FRYL: variants seen among roughly 807,000 people sequenced by gnomAD.
FRYL encodes the protein protein furry homolog-like.
Under a neutral mutation model 351.2 loss-of-function variants are expected in FRYL, and 150 were observed. The ratio of observed to expected loss-of-function variants is 0.43; its 90% confidence interval spans 0.37 to 0.49. FRYL has a LOEUF of 0.49. FRYL is among the 20% of genes least tolerant of loss of function. FRYL has a pLI of 0.00. For synonymous variants in FRYL, 1,153 were observed against 1,257.1 expected (o/e 0.92, Z 1.75); for missense variants, 3,036 against 3,619.3 (o/e 0.84, Z 4.13).
rs1329654488 is a variant in FRYL, at chr4:48,668,602, AGAAGTGCTTGCCACTGG to A, written c.-81+16054_-81+16070del. Among the ~76,000 whole-genome samples, 199 of 152,366 alleles carry A rather than the reference AGAAGTGCTTGCCACTGG, an allele frequency of 1.3e-3. 1 individual carries two copies. Among genetic ancestry groups the A allele is most frequent in the African/African-American group, 4.2e-3 (176 of 41,580 alleles). On this transcript the variant is annotated intron_variant, in intron 3 of 63. Transcript: ENST00000358350. ...TTAACAAAGGTTTACTAACTGCTTA[AGAAGTGCTTGCCACTGG>A]GCTAAGCTCTGGGGTACCCACAAAA... is the stretch of plus-strand genomic sequence containing the variant.
intron 25 of FRYL, 86 bp downstream of exon 25, chr4:48,575,031 A>G: frequency 7.3e-7 from 1 of 1,360,856 alleles, no homozygotes; most frequent in Middle Eastern, 1.9e-4. Context: ...GCTTGACCCT[A>G]CCACACCTTC....
intron 4 of FRYL, among the ~76,000 whole-genome samples, chr4:48,623,806 T>TAA (rs199832667): frequency 1.3e-5 from 2 of 150,996 alleles, no homozygotes; most frequent in Admixed American, 6.6e-5. Flanking sequence ...AAATATAAGT[T>TAA]AAAAAAAAAC....
At position 48,594,021 on chromosome 4, in the gene FRYL, A is replaced by T. The variant is rs112950454; in HGVS notation, c.1249-5T>A. On this transcript the variant is annotated splice_polypyrimidine_tract_variant and splice_region_variant and intron_variant, in intron 15 of 63. Transcript: ENST00000358350. ...CATTGCAAAATCCAAGCGTTCCTTAAAAAAAAAAAAATCCTTATAACTTGC... is the reference window on the plus strand; with the variant it reads ...CATTGCAAAATCCAAGCGTTCCTTATAAAAAAAAAAATCCTTATAACTTGC... The T allele has an allele frequency of 1.6e-6, 2 of 1,278,312 alleles. No individual in the cohort carries two copies. Among genetic ancestry groups the T allele is most frequent in the Admixed American group, 3.3e-5 (1 of 30,648 alleles). 79.2% of individuals were successfully genotyped at this position (1,278,312 alleles called of 1,614,324 possible).
At chr4:48,707,081 A>G (rs1407320147) in intron 2 of FRYL, among the ~76,000 whole-genome samples, 1 of 152,222 alleles carries the variant, frequency 6.6e-6, no homozygotes, top group African/African-American at 2.4e-5. Context: ...ACTAAGTTTC[A>G]GGGTAGTTTG....
chr4:48,749,924 G>A (rs1348428343), intron 1 of FRYL, among the ~76,000 whole-genome samples: 2 of 152,124 alleles, frequency 1.3e-5, no homozygotes, highest in Non-Finnish European at 2.9e-5. Context: ...CTTGAGGCCA[G>A]AAGTTCAAGA....
Position 48,542,126 on chromosome 4 carries a change from G to A in FRYL, c.5593-5C>T, listed in dbSNP as rs1730305606. The stretch of plus-strand genomic sequence containing the variant: ...AAGAAGCTCAATCACAAATCCCTGG[G>A]GGGAAAAAGGCAGATTTTAATTAAT... On this transcript the variant is annotated splice_region_variant and splice_polypyrimidine_tract_variant and intron_variant, in intron 44 of 63. Transcript: ENST00000358350. 2 of 1,601,466 alleles carry A rather than the reference G, an allele frequency of 1.2e-6. No individual in the cohort carries two copies. Among genetic ancestry groups the A allele is most frequent in the African/African-American group, 1.3e-5 (1 of 74,666 alleles).
intron 3 of FRYL, among the ~76,000 whole-genome samples, chr4:48,671,033 C>T (rs1762572184): frequency 1.3e-5 from 2 of 152,206 alleles, no homozygotes; most frequent in African/African-American, 4.8e-5. Context: ...GTACAGTTCT[C>T]CATAGTGGTT....
At chr4:48,673,876 G>C (rs980177026) in intron 3 of FRYL, among the ~76,000 whole-genome samples, 4 of 152,204 alleles carry the variant, frequency 2.6e-5, no homozygotes, top group Non-Finnish European at 5.9e-5. Context: ...TCTATTTGAT[G>C]TGGGGAATGG....
At chr4:48,730,353 A>G in intron 1 of FRYL, among the ~76,000 whole-genome samples, 1 of 152,106 alleles carries the variant, frequency 6.6e-6, no homozygotes, top group Non-Finnish European at 1.5e-5. Context: ...CTAGCAAGGC[A>G]GGGCAATCAA....
intron 3 of FRYL, among the ~76,000 whole-genome samples, chr4:48,641,205 T>A (rs1205019460): frequency 6.6e-6 from 1 of 152,102 alleles, no homozygotes; most frequent in Non-Finnish European, 1.5e-5. Flanking sequence ...GTAATGTGTA[T>A]GCTGTGTGTG....
At chr4:48,627,293 T>TC (rs1008606225) in intron 4 of FRYL, among the ~76,000 whole-genome samples, 8 of 152,018 alleles carry the variant, frequency 5.3e-5, no homozygotes, top group East Asian at 1.9e-4. Context: ...ACTTATTTGA[T>TC]CCCCCCTTTT....
At chr4:48,551,875 G>A (rs552177822) in intron 36 of FRYL, among the ~76,000 whole-genome samples, 1 of 152,316 alleles carries the variant, frequency 6.6e-6, no homozygotes, top group South Asian at 2.1e-4. Flanking sequence ...CCAAAAGGTA[G>A]CATCGAGAAC....
At chr4:48,773,783 G>A (rs1002326480) in intron 1 of FRYL, among the ~76,000 whole-genome samples, 1 of 152,118 alleles carries the variant, frequency 6.6e-6, no homozygotes, top group African/African-American at 2.4e-5. Context: ...TGGGTGTGGT[G>A]GCACATGCCT....
intron 3 of FRYL, among the ~76,000 whole-genome samples, chr4:48,666,366 C>CA (rs1395134664): frequency 6.7e-6 from 1 of 149,686 alleles, no homozygotes; most frequent in African/African-American, 2.5e-5. Context: ...GACTCAGTCT[C>CA]AAAAAATAAA....
Position 48,647,103 on chromosome 4 carries a change from T to C in FRYL, c.-80-12613A>G, listed in dbSNP as rs73817833. ...AAGGAAAGGCTCAGGAAAGAAGAGA[T>C]ACCAATAATTACAGATGGAGGCTTT... is the stretch of plus-strand genomic sequence containing the variant. On this transcript the variant is annotated intron_variant, in intron 3 of 63. Coordinates refer to ENST00000358350, the MANE Select transcript of FRYL (RefSeq NM_015030.2). Among the ~76,000 whole-genome samples the C allele has an allele frequency of 2.8e-3, 429 of 152,174 alleles. 1 individual carries two copies. The highest frequency in any genetic ancestry group is 9.9e-3 in the African/African-American group (410 of 41,526).
intron 1 of FRYL, among the ~76,000 whole-genome samples, chr4:48,728,798 C>G (rs1481175793): frequency 6.6e-6 from 1 of 152,188 alleles, no homozygotes; most frequent in Non-Finnish European, 1.5e-5. Context: ...CAGCTCCCAG[C>G]AAGATCAACG....
At chr4:48,692,205 T>C (rs763038236) in intron 2 of FRYL, among the ~76,000 whole-genome samples, 1 of 152,222 alleles carries the variant, frequency 6.6e-6, no homozygotes, top group African/African-American at 2.4e-5. Flanking sequence ...TCTTGTGACC[T>C]GGAGCAAAGT....
intron 47 of FRYL, among the ~76,000 whole-genome samples, chr4:48,536,093 T>C (rs1460765881): frequency 6.6e-6 from 1 of 152,172 alleles, no homozygotes; most frequent in African/African-American, 2.4e-5. Context: ...CTGTAAACTG[T>C]CTCTGGCAGA....
intron 2 of FRYL, among the ~76,000 whole-genome samples, chr4:48,689,346 T>C (rs532647144): frequency 4.1e-4 from 63 of 152,186 alleles, no homozygotes; most frequent in Non-Finnish European, 6.9e-4. Flanking sequence ...TGAATGAATA[T>C]GTATTTTTAG....
Sources: gnomAD v4.1 joint callset for allele counts (sites outside exome capture counted in the v4.1 genomes callset) on GRCh38, gnomAD v4.1.1 for gene constraint, MANE v1.5 for transcripts, NCBI Gene and HGNC (gene_info 2026-07-23, HGNC 2026-07-21) for gene names.